MIR2052HG: variants seen among roughly 807,000 people sequenced by gnomAD.
MIR2052HG encodes the protein MIR2052 host gene.
chr8:74,654,910 C>T (rs780310700), intron 2 of MIR2052HG, among the ~76,000 whole-genome samples: 7 of 152,064 alleles, frequency 4.6e-5, no homozygotes, highest in Non-Finnish European at 1.0e-4. Context: ...TGGCTTTGAC[C>T]AAAAGCCTGA....
intron 2 of MIR2052HG, among the ~76,000 whole-genome samples, chr8:74,660,055 A>G (rs1464285961): frequency 1.3e-5 from 2 of 152,186 alleles, no homozygotes; most frequent in Non-Finnish European, 2.9e-5. Flanking sequence ...GCACCTGAGT[A>G]TGGTTCTAAC....
chr8:74,636,588 T>C (rs776380355), intron 2 of MIR2052HG, among the ~76,000 whole-genome samples: 1 of 152,176 alleles, frequency 6.6e-6, no homozygotes, highest in Non-Finnish European at 1.5e-5. Context: ...TGCCAAAAAC[T>C]CTGGGTTTTC....
intron 2 of MIR2052HG, among the ~76,000 whole-genome samples, chr8:74,620,445 C>T (rs1808346249): frequency 6.6e-6 from 1 of 152,214 alleles, no homozygotes; most frequent in Non-Finnish European, 1.5e-5. Context: ...GGGCTCTGCC[C>T]CTGCAGGAAA....
intron 4 of MIR2052HG, among the ~76,000 whole-genome samples, chr8:74,731,964 G>A (rs146664949): frequency 2.9e-3 from 445 of 152,220 alleles, no homozygotes; most frequent in Non-Finnish European, 4.1e-3. Flanking sequence ...TGTTTTCAGT[G>A]TAACTGATTC....
At chr8:74,728,036 C>T (rs1264306869) in intron 4 of MIR2052HG, among the ~76,000 whole-genome samples, 1 of 152,160 alleles carries the variant, frequency 6.6e-6, no homozygotes, top group African/African-American at 2.4e-5. Context: ...AATTACAGTA[C>T]TAGGCAAGAG....
chr8:74,641,588 G>C (rs1808639379), intron 2 of MIR2052HG, among the ~76,000 whole-genome samples: 2 of 152,088 alleles, frequency 1.3e-5, no homozygotes, highest in South Asian at 2.1e-4. Flanking sequence ...GAGAAAAATA[G>C]AATAGATTGT....
intron 2 of MIR2052HG, among the ~76,000 whole-genome samples, chr8:74,625,759 C>G (rs1808426034): frequency 6.6e-6 from 1 of 152,076 alleles, no homozygotes; most frequent in South Asian, 2.1e-4. Context: ...TAATTTTTCC[C>G]CTTTCATTGA....
chr8:74,645,440 C>A (rs1808681752), intron 2 of MIR2052HG, among the ~76,000 whole-genome samples: 1 of 152,146 alleles, frequency 6.6e-6, no homozygotes, highest in African/African-American at 2.4e-5. Context: ...CATGTGCCAC[C>A]ACACCCAGCT....
intron 1 of MIR2052HG, among the ~76,000 whole-genome samples, chr8:74,605,394 G>A (rs1301671365): frequency 6.6e-6 from 1 of 152,182 alleles, no homozygotes; most frequent in African/African-American, 2.4e-5. Flanking sequence ...ATTTCACAAT[G>A]AAGTATTGAA....
rs1285485121 is a variant in MIR2052HG at position 74,677,326 on chromosome 8, T to C, written n.217-25053T>C. Among the ~76,000 whole-genome samples the C allele has an allele frequency of 3.3e-5, 5 of 152,044 alleles. No individual in the cohort carries two copies. In the South Asian group the frequency reaches 6.2e-4, roughly 19 times the overall value. ...AAAAACTTGAACATCATAATTAATA[T>C]GCTTAAATAAATAGATATGCATGAA... On this transcript the variant is annotated intron_variant and non_coding_transcript_variant, in intron 2 of 6. Transcript: ENST00000523442.
chr8:74,676,281 G>A (rs987558388), intron 2 of MIR2052HG, among the ~76,000 whole-genome samples: 1 of 151,994 alleles, frequency 6.6e-6, no homozygotes, highest in Non-Finnish European at 1.5e-5. Context: ...ATAATAAAAT[G>A]TTGTATAATG....
chr8:74,737,106 G>C (rs917959571), intron 4 of MIR2052HG, among the ~76,000 whole-genome samples: 3 of 152,184 alleles, frequency 2.0e-5, no homozygotes, highest in Non-Finnish European at 4.4e-5. Flanking sequence ...ACTAATTGCG[G>C]GTGGAATCTT....
At chr8:74,653,376 T>C (rs1251666356) in intron 2 of MIR2052HG, among the ~76,000 whole-genome samples, 5 of 152,224 alleles carry the variant, frequency 3.3e-5, no homozygotes, top group Non-Finnish European at 5.9e-5. Context: ...ATTGAAGAGA[T>C]GCTACTTTTT....
intron 2 of MIR2052HG, among the ~76,000 whole-genome samples, chr8:74,642,464 C>G (rs951566711): frequency 1.3e-5 from 2 of 152,238 alleles, no homozygotes; most frequent in African/African-American, 4.8e-5. Context: ...GTGAACCAAA[C>G]AGCTGCTTCC....
intron 4 of MIR2052HG, chr8:74,703,791 A>G (rs573563325): frequency 2.9e-6 from 1 of 348,160 alleles, no homozygotes; most frequent in African/African-American, 2.2e-5. Context: ...CAAAGCTGAT[A>G]GCGGGTTAAT....
chr8:74,659,036 T>C (rs1351100404), intron 2 of MIR2052HG, among the ~76,000 whole-genome samples: 1 of 152,228 alleles, frequency 6.6e-6, no homozygotes, highest in Non-Finnish European at 1.5e-5. Context: ...TCTAACAAAA[T>C]TTTATCAGGA....
At chr8:74,754,911 T>C (rs7825475) in intron 5 of MIR2052HG, among the ~76,000 whole-genome samples, 15,495 of 152,266 alleles carry the variant, frequency 0.1, 1,763 homozygotes, top group African/African-American at 0.28. Context: ...TCTGTCAATT[T>C]TAACAACCAT....
rs1301763960 is a variant in MIR2052HG at position 74,643,611 on chromosome 8, T to C, written n.216+30671T>C. On this transcript the variant is annotated intron_variant and non_coding_transcript_variant, in intron 2 of 6. Coordinates refer to ENST00000523442, the Ensembl canonical transcript of MIR2052HG. ...TCAAATTATTCTAAGCATCACTGTT[T>C]ATTTACTATAATCCCAGTAAATCTA... is the stretch of plus-strand genomic sequence containing the variant. Among the ~76,000 whole-genome samples the C allele has an allele frequency of 2.0e-5, 3 of 152,224 alleles. No individual in the cohort carries two copies. In the East Asian group the frequency reaches 5.8e-4, roughly 29 times the overall value.
chr8:74,649,661 A>G (rs1259252927), intron 2 of MIR2052HG, among the ~76,000 whole-genome samples: 2 of 151,502 alleles, frequency 1.3e-5, no homozygotes, highest in Non-Finnish European at 3.0e-5. Context: ...TGTGTTTACA[A>G]AATGCCTATG....
Sources: allele counts gnomAD v4.1 joint callset (sites outside exome capture counted in the v4.1 genomes callset), GRCh38; gene constraint gnomAD v4.1.1; transcripts MANE v1.5; gene names NCBI Gene and HGNC (gene_info 2026-07-23, HGNC 2026-07-21).